PGGHG: variants seen among roughly 807,000 people sequenced by gnomAD.
The protein encoded by PGGHG is ATH1, acid trehalase-like 1.
In PGGHG, 67 loss-of-function variants were observed where a neutral mutation model predicts 74.5. The ratio of observed to expected loss-of-function variants is 0.90; its 90% CI spans 0.74 to 1.10. The LOEUF is 1.10. Among genes scored for constraint, PGGHG ranks in the 50% least tolerant of loss-of-function variants. PGGHG has a pLI of 0.00. For missense variants in PGGHG, 1,034 were observed against 981.5 expected (o/e 1.05, Z -0.72); for synonymous variants, 496 against 419.9 (o/e 1.18, Z -2.21).
At chr11:292,211 A>G in intron 5 of PGGHG, 116 bp downstream of exon 5, 4 of 1,368,620 alleles carry the variant, frequency 2.9e-6, no homozygotes, top group Non-Finnish European at 1.9e-6. Context: ...GGGACATCCT[A>G]GATTCCCCAC....
intron 5 of PGGHG, 114 bp downstream of exon 5, chr11:292,209 C>G: frequency 7.3e-7 from 1 of 1,367,114 alleles, no homozygotes; most frequent in Non-Finnish European, 9.6e-7. Context: ...CTGGGACATC[C>G]TAGATTCCCC....
At chr11:292,443 G>A (rs891885430) in intron 5 of PGGHG, 103 bp from the exon 6 acceptor site, 150 of 1,449,088 alleles carry the variant, frequency 1.0e-4, no homozygotes, top group Non-Finnish European at 1.3e-4. Context: ...AGGGTACCTG[G>A]CGCAGGCCGA....
In PGGHG at chr11:294,296, C is replaced by G. The variant is rs760295073; in HGVS notation, c.1838C>G (p.Pro613Arg). ...RVTRAGVTFD[P>R]VCLSGISRVS... ...ACCCGAGCGGGTGTGACCTTTGACC[C>G]TGTGTGTCTGTCGGGGATCTCCAGA... Residue 613 changes from proline to arginine, a missense_variant, in exon 13 of 14, where the codon CCT becomes CGT. Pro to Arg is a moderately radical substitution (Grantham distance 103). Coordinates refer to ENST00000409548, the MANE Select transcript of PGGHG (RefSeq NM_025092.5). 5.0e-6 allele frequency: 8 copies of G among 1,611,458 alleles called. No homozygotes were observed. In the South Asian group the frequency reaches 8.8e-5, roughly 18 times the overall value.
At chr11:292,161 G>A (rs1254020501) in intron 5 of PGGHG, 66 bp downstream of exon 5, 1 of 1,468,776 alleles carries the variant, frequency 6.8e-7, no homozygotes, top group African/African-American at 1.4e-5. Flanking sequence ...ACCCCTCCCA[G>A]GCCTGTATCC....
rs539574146 is a variant in PGGHG at position 293,227 on chromosome 11, C to T, written c.1335C>T (p.Val445=). The part of the protein sequence containing the change: ...VNNSVYTNVL[V]QNSLRFAAAL... The stretch of plus-strand genomic sequence containing the variant: ...ACTCTGTGTACACCAACGTCCTGGT[C>T]CAGAACAGGTCAGACACAAGATCCC... Residue 445 remains valine (V), a synonymous_variant, in exon 8 of 14, where the codon GTC becomes GTT. Transcript: ENST00000409548. 2 of 1,613,422 alleles carry T rather than the reference C, an allele frequency of 1.2e-6. No individual in the cohort carries two copies. The highest frequency in any genetic ancestry group is 2.2e-5 in the East Asian group (1 of 44,876).
chr11:291,318 C>A, intron 4 of PGGHG: 1 of 608,686 alleles, frequency 1.6e-6, no homozygotes, highest in Non-Finnish European at 2.6e-6. Flanking sequence ...GCTGAGAGGG[C>A]CTGAGGCACT....
In PGGHG at chr11:294,326, G is replaced by A; in HGVS notation, c.1868G>A (p.Ser623Asn). Residue 623 changes from serine (S) to asparagine (N), a missense_variant, in exon 13 of 14, where the codon AGC becomes AAC. Transcript: ENST00000409548. The stretch of plus-strand genomic sequence containing the variant: ...TGTCTGTCGGGGATCTCCAGAGTGA[G>A]CGTCTCCGGCATCTTCTACCAGGGG... ...PVCLSGISRV[S>N]VSGIFYQGNK... is the part of the protein sequence containing the mutation. The A allele has an allele frequency of 1.2e-6, 2 of 1,613,016 alleles. No homozygotes were observed. Among genetic ancestry groups the A allele is most frequent in the Non-Finnish European group, 1.7e-6 (2 of 1,179,884 alleles).
rs1351850853 is a variant in PGGHG, at chr11:290,444, A to T, written c.314A>T (p.Tyr105Phe). 3.2e-6 allele frequency: 5 copies of T among 1,549,206 alleles called. No individual in the cohort carries two copies. The South Asian group carries it at 6.0e-5, about 18-fold the overall frequency. ...GPRFRASQCI[Y>F]AHRTLPHVLA... ...CGCTTCCGGGCCTCCCAGTGCATCTATGCGCATCGCACGCTGCCCCACGTG... is the reference window on the plus strand; with the variant it reads ...CGCTTCCGGGCCTCCCAGTGCATCTTTGCGCATCGCACGCTGCCCCACGTG... The change falls in exon 3 of 14, where the codon TAT becomes TTT. Residue 105 changes from tyrosine (Y) to phenylalanine (F), a missense_variant. By Grantham distance (22) the Tyr-to-Phe change is conservative. Coordinates refer to ENST00000409548, the MANE Select transcript of PGGHG (RefSeq NM_025092.5).
Position 291,092 on chromosome 11 carries a change from G to C in PGGHG, c.885G>C (p.Trp295Cys). The change falls in exon 4 of 14, where the codon TGG becomes TGC. Residue 295 changes from tryptophan (W) to cysteine (C), a missense_variant. Physicochemically the swap from Trp to Cys is radical, Grantham distance 215. Transcript: ENST00000409548. Reference sequence around the variant, plus strand: ...ATGGGAGCCGTGAGGAATGCTACTGGGGCCACGTCTTCTGGGACCAGGTGA... The same window carrying C: ...ATGGGAGCCGTGAGGAATGCTACTGCGGCCACGTCTTCTGGGACCAGGTGA... ...LSNGSREECYWGHVFWDQDLW... is the reference protein window; with the variant it reads ...LSNGSREECYCGHVFWDQDLW... The C allele has an allele frequency of 6.3e-7, 1 of 1,590,210 alleles. No homozygotes were observed. The highest frequency in any genetic ancestry group is 1.1e-5 in the South Asian group (1 of 88,972).
chr11:291,290 G>C (rs1414595390), intron 4 of PGGHG, 177 bp downstream of exon 4: 2 of 799,074 alleles, frequency 2.5e-6, no homozygotes, highest in African/African-American at 3.5e-5. Context: ...GAGGGGAATG[G>C]AAGGTGCAGA....
At chr11:290,338 C>T (rs1012237496) in intron 2 of PGGHG, 52 bp from the exon 3 acceptor site, 1 of 1,510,174 alleles carries the variant, frequency 6.6e-7, no homozygotes, top group African/African-American at 1.4e-5. Flanking sequence ...CACTCCTGCC[C>T]CAGAGAGGCC....
In PGGHG at chr11:291,925, C is replaced by T. The variant is rs374322420; in HGVS notation, c.907-51C>T. 72 of 1,550,048 alleles carry T rather than the reference C, an allele frequency of 4.6e-5. No individual in the cohort carries two copies. The African/African-American group carries it at 5.6e-4, about 12-fold the overall frequency. ...CGGGGCGGAATGTGGCCAGGAGGGG[C>T]GGGAGCAGTGACGGCCTGTCCGGCG... On this transcript the variant is annotated intron_variant, in intron 4 of 13. Transcript: ENST00000409548.
At chr11:291,157 A>T in intron 4 of PGGHG, 44 bp downstream of exon 4, 1 of 1,517,610 alleles carries the variant, frequency 6.6e-7, no homozygotes. Flanking sequence ...CAGGCGACAC[A>T]TGGAGGTCCA....
Position 294,327 on chromosome 11 carries a change from C to G in PGGHG, c.1869C>G (p.Ser623Arg). Residue 623 changes from serine to arginine, a missense_variant, in exon 13 of 14, where the codon AGC becomes AGG. Physicochemically the swap from Ser to Arg is moderately radical, Grantham distance 110. Transcript: ENST00000409548. ...PVCLSGISRV[S>R]VSGIFYQGNK... ...GTCTGTCGGGGATCTCCAGAGTGAG[C>G]GTCTCCGGCATCTTCTACCAGGGGA... 1 of 1,612,808 alleles carries G rather than the reference C, an allele frequency of 6.2e-7. No individual in the cohort carries two copies. Among genetic ancestry groups the G allele is most frequent in the Non-Finnish European group, 8.5e-7 (1 of 1,179,790 alleles).
In PGGHG at chr11:295,085, T is replaced by A; in HGVS notation, c.*336T>A. On this transcript the variant is annotated 3_prime_UTR_variant, in exon 14 of 14. Transcript: ENST00000409548. Reference sequence around the variant, plus strand: ...TCTGGCCTCTCATCCCCCACTCTCCTGAGAGCAGTGGTCACAGCGGCCGGC... The same window carrying A: ...TCTGGCCTCTCATCCCCCACTCTCCAGAGAGCAGTGGTCACAGCGGCCGGC... The A allele has an allele frequency of 4.6e-6, 1 of 218,258 alleles. No homozygotes were observed. Among genetic ancestry groups the A allele is most frequent in the Non-Finnish European group, 9.0e-6 (1 of 111,060 alleles). The allele number at this position is 218,258 out of a possible 1,614,324, so 13.5% of individuals were successfully genotyped here.
chr11:291,752 G>A (rs574248351), intron 4 of PGGHG: 254 of 556,092 alleles, frequency 4.6e-4, no homozygotes, highest in Non-Finnish European at 6.9e-4. Context: ...CACAAACGCC[G>A]GCTGGGGAGG....
In PGGHG at chr11:293,548, C is replaced by T. The variant is rs780264225; in HGVS notation, c.1480+46C>T. The T allele has an allele frequency of 4.5e-5, 72 of 1,612,396 alleles. No individual in the cohort carries two copies. The South Asian group carries it at 6.3e-4, about 14-fold the overall frequency. On this transcript the variant is annotated intron_variant, in intron 9 of 13. Transcript: ENST00000409548. ...GCTCCTCCCCTGCCGTCGAGACCCTCGAGTCTGTCCTGGAACACCTTCCAG... is the reference window on the plus strand; with the variant it reads ...GCTCCTCCCCTGCCGTCGAGACCCTTGAGTCTGTCCTGGAACACCTTCCAG...
Position 294,395 on chromosome 11 carries a change from A to C in PGGHG, c.1937A>C (p.Glu646Ala). ...FSFSEDSVTV[E>A]VTARAGPWAP... The stretch of plus-strand genomic sequence containing the variant: ...TTTTCCGAGGACTCCGTGACCGTGG[A>C]GGTCACAGCTCGAGCAGGGCCCTGG... The change falls in exon 13 of 14, where the codon GAG becomes GCG. Residue 646 changes from glutamate to alanine, a missense_variant. Physicochemically the swap from Glu to Ala is moderately radical, Grantham distance 107. Coordinates refer to ENST00000409548, the MANE Select transcript of PGGHG (RefSeq NM_025092.5). The C allele has an allele frequency of 6.2e-7, 1 of 1,612,192 alleles. No homozygotes were observed. The highest frequency in any genetic ancestry group is 8.5e-7 in the Non-Finnish European group (1 of 1,179,788).
At position 291,066 on chromosome 11, in the gene PGGHG, A is replaced by T. The variant is rs1238127895; in HGVS notation, c.859A>T (p.Asn287Tyr). Residue 287 changes from asparagine to tyrosine, a missense_variant, in exon 4 of 14, where the codon AAT becomes TAT. Physicochemically the swap from Asn to Tyr is moderately radical, Grantham distance 143. Transcript: ENST00000409548. ...CHGLSPGGLS[N>Y]GSREECYWGH... ...TGGCCTCAGTCCTGGGGGCCTCTCC[A>T]ATGGGAGCCGTGAGGAATGCTACTG... is the stretch of plus-strand genomic sequence containing the variant. 1.6e-5 allele frequency: 25 copies of T among 1,606,774 alleles called. No individual in the cohort carries two copies. In the Admixed American group the frequency reaches 4.2e-4, roughly 27 times the overall value.
Sources: gnomAD v4.1 joint callset for allele counts on GRCh38, gnomAD v4.1.1 for gene constraint, MANE v1.5 for transcripts, NCBI Gene and HGNC (gene_info 2026-07-23, HGNC 2026-07-21) for gene names.